UNC13C: variants seen among roughly 807,000 people sequenced by gnomAD.
The protein encoded by UNC13C is protein unc-13 homolog C.
In UNC13C, 174 loss-of-function variants were observed where a neutral mutation model predicts 245.4. The observed-to-expected ratio is 0.71, with a 90% CI of 0.63 to 0.80. The LOEUF (loss-of-function observed/expected upper bound fraction) is 0.80. Ranked by LOEUF, UNC13C falls within the 30% of genes least tolerant of loss-of-function variation. The probability of loss-of-function intolerance (pLI) is 0.00; values close to 1 mark genes in which losing one functional copy is unlikely to be tolerated. For missense variants in UNC13C, 2,829 were observed against 2,602.9 expected, an observed-to-expected ratio of 1.09 and a Z score of -1.89; for synonymous variants, 992 against 895.1, an observed-to-expected ratio of 1.11 and a Z score of -1.93.
chr15:53,964,933 T>C, the UNC13C span, among the ~76,000 whole-genome samples: 1 of 152,128 alleles, frequency 6.6e-6, no homozygotes, highest in East Asian at 1.9e-4. Flanking sequence ...TAACAAGACA[T>C]AGCCTGCCCC....
At chr15:54,208,865 A>G (rs1233483183) in intron 4 of UNC13C, among the ~76,000 whole-genome samples, 3 of 152,154 alleles carry the variant, frequency 2.0e-5, no homozygotes, top group South Asian at 2.1e-4. Context: ...TTTGCCCCCA[A>G]TACATTTATG....
chr15:54,187,660 T>A (rs578125531), intron 4 of UNC13C, among the ~76,000 whole-genome samples: 3 of 152,156 alleles, frequency 2.0e-5, no homozygotes, highest in South Asian at 2.1e-4. Flanking sequence ...GGTGACAACA[T>A]GATTTTTTTC....
At chr15:54,113,952 C>G (rs1329427672) in intron 2 of UNC13C, among the ~76,000 whole-genome samples, 1 of 152,114 alleles carries the variant, frequency 6.6e-6, no homozygotes, top group African/African-American at 2.4e-5. Flanking sequence ...TTTAGCTTGT[C>G]TATTACAACA....
At chr15:54,238,471 A>G (rs995822015) in intron 7 of UNC13C, among the ~76,000 whole-genome samples, 1 of 152,130 alleles carries the variant, frequency 6.6e-6, no homozygotes, top group Non-Finnish European at 1.5e-5. Flanking sequence ...TAGAATTATT[A>G]TATCCCACAG....
intron 18 of UNC13C, among the ~76,000 whole-genome samples, chr15:54,409,340 G>T (rs1403721252): frequency 6.6e-6 from 1 of 151,086 alleles, no homozygotes; most frequent in Non-Finnish European, 1.5e-5. Flanking sequence ...CCAGTTTGTT[G>T]TTTTATTTTA....
the UNC13C span, among the ~76,000 whole-genome samples, chr15:53,956,672 A>T: frequency 1.3e-5 from 2 of 151,542 alleles, no homozygotes; most frequent in African/African-American, 4.9e-5. Context: ...AGAGAAATTG[A>T]ACAGGGAAAA....
At chr15:54,271,385 G>T (rs2036684529) in intron 10 of UNC13C, among the ~76,000 whole-genome samples, 1 of 152,122 alleles carries the variant, frequency 6.6e-6, no homozygotes, top group African/African-American at 2.4e-5. Flanking sequence ...AATTAATTAT[G>T]ACCTTCAATT....
chr15:54,284,363 C>G (rs2037085170), intron 10 of UNC13C, among the ~76,000 whole-genome samples: 1 of 152,084 alleles, frequency 6.6e-6, no homozygotes. Context: ...TGTGATGTTT[C>G]TCTTATTTAT....
At chr15:53,894,172 A>T in the UNC13C span, among the ~76,000 whole-genome samples, 314 of 152,308 alleles carry the variant, frequency 2.1e-3, 4 homozygotes, top group African/African-American at 7.4e-3. Context: ...GGTTGCACCC[A>T]CTGTCCAATC....
At chr15:54,086,737 C>CTTGTTTTTTTTTTT (rs1899260758) in intron 2 of UNC13C, among the ~76,000 whole-genome samples, 1 of 92,012 alleles carries the variant, frequency 1.1e-5, no homozygotes, top group Non-Finnish European at 2.1e-5. Flanking sequence ...TATTTTCTTT[C>CTTGTTTTTTTTTTT]TTTTTTTTTT....
chr15:54,079,387 A>G (rs956277062), intron 2 of UNC13C, among the ~76,000 whole-genome samples: 3 of 151,890 alleles, frequency 2.0e-5, no homozygotes, highest in African/African-American at 4.8e-5. Context: ...CTGAATTTTT[A>G]GTTTTTTTTA....
At chr15:54,600,584 AC>A (rs1272726769) in intron 30 of UNC13C, among the ~76,000 whole-genome samples, 1 of 152,154 alleles carries the variant, frequency 6.6e-6, no homozygotes, top group Non-Finnish European at 1.5e-5. Context: ...AGATGTGAAT[AC>A]ACATTATAAT....
intron 1 of UNC13C, among the ~76,000 whole-genome samples, chr15:54,009,731 C>T (rs1895298611): frequency 6.6e-6 from 1 of 151,920 alleles, no homozygotes; most frequent in Non-Finnish European, 1.5e-5. Context: ...ATTTTTAGTA[C>T]AGATAGGATT....
chr15:54,012,096 G>T (rs574253144), intron 1 of UNC13C, among the ~76,000 whole-genome samples: 1 of 152,076 alleles, frequency 6.6e-6, no homozygotes, highest in African/African-American at 2.4e-5. Flanking sequence ...AAATGTAAAC[G>T]TTATTTTCTT....
At chr15:53,969,404 A>C in the UNC13C span, among the ~76,000 whole-genome samples, 3 of 152,150 alleles carry the variant, frequency 2.0e-5, no homozygotes, top group African/African-American at 7.2e-5. Flanking sequence ...TTCAGATAGC[A>C]ATTTAAAAAT....
intron 16 of UNC13C, among the ~76,000 whole-genome samples, chr15:54,338,102 G>T (rs952127256): frequency 6.6e-6 from 1 of 152,130 alleles, no homozygotes; most frequent in African/African-American, 2.4e-5. Context: ...TGATGGAATG[G>T]AATGAAATCA....
rs372959251 is a variant in UNC13C at position 54,243,063 on chromosome 15, G to A, written c.3228+5373G>A. ...TAAATGTGTGCCATGGTGGTTTGCT[G>A]CCCAGATCAACCCATCACCTTGGTA... On this transcript the variant is annotated intron_variant, in intron 7 of 32. Transcript: ENST00000260323. Among the ~76,000 whole-genome samples, 113 of 152,144 alleles carry A rather than the reference G, an allele frequency of 7.4e-4. 1 individual carries two copies. Among genetic ancestry groups the A allele is most frequent in the African/African-American group, 2.7e-3 (112 of 41,514 alleles).
intron 4 of UNC13C, among the ~76,000 whole-genome samples, chr15:54,209,308 C>T (rs565911608): frequency 2.2e-4 from 33 of 152,246 alleles, no homozygotes; most frequent in South Asian, 1.0e-3. Flanking sequence ...CTTGCAACCA[C>T]GATTCTATAC....
chr15:54,632,463 T>C (rs938662720), downstream of UNC13C: 1 of 152,338 alleles, frequency 6.6e-6, no homozygotes, highest in East Asian at 1.9e-4. Flanking sequence ...AATTTTATAC[T>C]TTGGGGTATT....
Sources: gnomAD v4.1 joint callset for allele counts (sites outside exome capture counted in the v4.1 genomes callset) on GRCh38, gnomAD v4.1.1 for gene constraint, MANE v1.5 for transcripts, NCBI Gene and HGNC (gene_info 2026-07-23, HGNC 2026-07-21) for gene names.